Variants in MAP2K3 observed in about 807,000 individuals in gnomAD.
The protein encoded by MAP2K3 is mitogen-activated protein kinase kinase 3.
MAP2K3 carries 30 observed loss-of-function variants against 46.4 expected under a neutral mutation model. The observed-to-expected ratio is 0.65, with a 90% CI of 0.48 to 0.88. The LOEUF is 0.88. Ranked by LOEUF, MAP2K3 falls within the 40% of genes least tolerant of loss-of-function variation. The pLI, the probability that MAP2K3 is intolerant of heterozygous loss-of-function variation, is 0.00. For synonymous variants in MAP2K3, 189 were observed against 176.3 expected (o/e 1.07, Z -0.57); for missense variants, 380 against 464.5 (o/e 0.82, Z 1.67).
At chr17:21,312,578 A>T (rs977654438) in intron 10 of MAP2K3, among the ~76,000 whole-genome samples, 1 of 152,210 alleles carries the variant, frequency 6.6e-6, no homozygotes, top group Non-Finnish European at 1.5e-5. Flanking sequence ...GATATCTAGA[A>T]CTTTGTACCA....
In MAP2K3 at chr17:21,312,409, A is replaced by G. The variant is rs898354842; in HGVS notation, c.914+128A>G. 16 of 962,934 alleles carry G rather than the reference A, an allele frequency of 1.7e-5. No homozygotes were observed. In the African/African-American group the frequency reaches 2.8e-4, roughly 17 times the overall value. The allele number at this position is 962,934 out of a possible 1,614,324, so 59.6% of individuals were successfully genotyped here. On this transcript the variant is annotated intron_variant, in intron 10 of 11. Coordinates refer to ENST00000342679, the MANE Select transcript of MAP2K3 (RefSeq NM_145109.3). ...CAGATGACTTGGCATCCAAATATGTAAGGCAGAAACAGCTGGAGCATGAGG... is the reference window on the plus strand; with the variant it reads ...CAGATGACTTGGCATCCAAATATGTGAGGCAGAAACAGCTGGAGCATGAGG...
At chr17:21,297,717 G>A (rs1400358973) in intron 1 of MAP2K3, among the ~76,000 whole-genome samples, 3 of 29,234 alleles carry the variant, frequency 1.0e-4, no homozygotes, top group East Asian at 9.8e-4. Flanking sequence ...CCTGAGAGGT[G>A]TGGACACTGG....
intron 1 of MAP2K3, among the ~76,000 whole-genome samples, chr17:21,295,301 G>A (rs1026918912): frequency 2.6e-5 from 4 of 152,310 alleles, no homozygotes; most frequent in Non-Finnish European, 5.9e-5. Flanking sequence ...CTTTACCTGT[G>A]GTGTAGCCTC....
chr17:21,292,078 G>A (rs545377563), intron 1 of MAP2K3, among the ~76,000 whole-genome samples: 12 of 152,420 alleles, frequency 7.9e-5, no homozygotes, highest in East Asian at 3.9e-4. Context: ...GCCCTGGTGC[G>A]TCACCTCAGG....
chr17:21,298,520 G>C, intron 2 of MAP2K3, 41 bp downstream of exon 2: 1 of 1,614,244 alleles, frequency 6.2e-7, no homozygotes, highest in Non-Finnish European at 8.5e-7. Flanking sequence ...CCCTGGAGAG[G>C]CTTCCCGAAC....
At chr17:21,309,753 A>G (rs896706184) in intron 9 of MAP2K3, among the ~76,000 whole-genome samples, 11 of 151,572 alleles carry the variant, frequency 7.3e-5, no homozygotes, top group Non-Finnish European at 1.2e-4. Context: ...AGCTGGGACT[A>G]CAGGCGTGCG....
intron 9 of MAP2K3, among the ~76,000 whole-genome samples, chr17:21,311,304 A>G (rs4021717): frequency 0.58 from 87,807 of 151,476 alleles, 26,785 homozygotes; most frequent in African/African-American, 0.78. Context: ...GGGCTGACAT[A>G]ACTTGTTTTT....
chr17:21,300,721 G>A, intron 4 of MAP2K3, 63 bp downstream of exon 4: 1 of 1,596,124 alleles, frequency 6.3e-7, no homozygotes, highest in South Asian at 1.1e-5. Context: ...GCTCTGCCAT[G>A]GGGCCCTGCC....
chr17:21,312,186 C>A lies in MAP2K3; in HGVS notation c.819C>A (p.Thr273=). 6.3e-7 allele frequency: 1 copy of A among 1,594,530 alleles called. No individual in the cohort carries two copies. Among genetic ancestry groups the A allele is most frequent in the African/African-American group, 1.4e-5 (1 of 73,446 alleles). Residue 273 remains threonine (T), a synonymous_variant, in exon 10 of 12, where the codon ACC becomes ACA. Coordinates refer to ENST00000342679, the MANE Select transcript of MAP2K3 (RefSeq NM_145109.3). ...GGTTCCCTTACGAGTCCTGGGGGACCCCGTTCCAGCAGCTGAAGCAGGTGG... is the reference window on the plus strand; with the variant it reads ...GGTTCCCTTACGAGTCCTGGGGGACACCGTTCCAGCAGCTGAAGCAGGTGG... ...ILRFPYESWG[T]PFQQLKQVVE... is the part of the protein sequence containing the mutation.
intron 1 of MAP2K3, among the ~76,000 whole-genome samples, chr17:21,292,338 TCTC>T (rs1285029815): frequency 1.3e-5 from 2 of 152,306 alleles, no homozygotes; most frequent in African/African-American, 4.8e-5. Context: ...GTCTCTTGTT[TCTC>T]CTCGGAATAC....
At chr17:21,295,265 T>C (rs568963087) in intron 1 of MAP2K3, among the ~76,000 whole-genome samples, 2 of 152,418 alleles carry the variant, frequency 1.3e-5, no homozygotes, top group South Asian at 4.1e-4. Context: ...CCAGTGAGAG[T>C]TGTGTTCTAG....
At position 21,298,500 on chromosome 17, in the gene MAP2K3, C is replaced by T. The variant is rs1249306213; in HGVS notation, c.116+21C>T. On this transcript the variant is annotated intron_variant, in intron 2 of 11. Coordinates refer to ENST00000342679, the MANE Select transcript of MAP2K3 (RefSeq NM_145109.3). ...CCCACGTGAGTCTGCCTCAGTTTCT[C>T]CCTGGCTCACCCTGGAGAGGCTTCC... is the stretch of plus-strand genomic sequence containing the variant. 5 of 1,614,196 alleles carry T rather than the reference C, an allele frequency of 3.1e-6. No homozygotes were observed. The South Asian group carries it at 4.4e-5, about 14-fold the overall frequency.
rs548169892 is a variant in MAP2K3, at chr17:21,288,758, G to A, written c.49+3789G>A. On this transcript the variant is annotated intron_variant, in intron 1 of 11. Transcript: ENST00000342679. ...CCATTCCACACTTGCTAAGTGTCAGGCACAAGTCATAGTGAGACTGCCCTC... is the reference window on the plus strand; with the variant it reads ...CCATTCCACACTTGCTAAGTGTCAGACACAAGTCATAGTGAGACTGCCCTC... Among the ~76,000 whole-genome samples the A allele has an allele frequency of 5.9e-5, 9 of 152,338 alleles. No individual in the cohort carries two copies. The East Asian group carries it at 1.7e-3, about 29-fold the overall frequency.
chr17:21,298,493 A>G lies in MAP2K3; in HGVS notation c.116+14A>G, dbSNP rs1464799547. On this transcript the variant is annotated intron_variant, in intron 2 of 11. Coordinates refer to ENST00000342679, the MANE Select transcript of MAP2K3 (RefSeq NM_145109.3). ...ACCCAACCCCACGTGAGTCTGCCTC[A>G]GTTTCTCCCTGGCTCACCCTGGAGA... 2 of 1,614,310 alleles carry G rather than the reference A, an allele frequency of 1.2e-6. No individual in the cohort carries two copies. Among genetic ancestry groups the G allele is most frequent in the Non-Finnish European group, 1.7e-6 (2 of 1,180,058 alleles).
At position 21,290,539 on chromosome 17, in the gene MAP2K3, G is replaced by A. The variant is rs1194399839; in HGVS notation, c.49+5570G>A. Among the ~76,000 whole-genome samples the A allele has an allele frequency of 2.6e-5, 4 of 152,412 alleles. No individual in the cohort carries two copies. The South Asian group carries it at 8.3e-4, about 32-fold the overall frequency. On this transcript the variant is annotated intron_variant, in intron 1 of 11. Transcript: ENST00000342679. ...CTACCTCTCAGGGCTGCTGTTGAGG[G>A]TGAATGAGACCTGGCAAGTCCAGGG...
chr17:21,304,797 A>C (rs1976802395), intron 8 of MAP2K3, among the ~76,000 whole-genome samples: 1 of 152,308 alleles, frequency 6.6e-6, no homozygotes, highest in Non-Finnish European at 1.5e-5. Flanking sequence ...TGCGGAGGAC[A>C]CTGGTGGGCT....
chr17:21,300,790 C>A, intron 4 of MAP2K3, 84 bp from the exon 5 acceptor site: 3 of 1,611,360 alleles, frequency 1.9e-6, no homozygotes, highest in South Asian at 2.2e-5. Context: ...GGGCAGTGGC[C>A]CCCTGAGCTC....
At chr17:21,307,080 C>G (rs75954843) in intron 9 of MAP2K3, among the ~76,000 whole-genome samples, 348 of 150,236 alleles carry the variant, frequency 2.3e-3, no homozygotes, top group African/African-American at 8.0e-3. Flanking sequence ...GCTACTGCAC[C>G]CACTGAAAGT....
intron 10 of MAP2K3, among the ~76,000 whole-genome samples, chr17:21,312,751 C>T (rs1158458765): frequency 1.3e-5 from 2 of 152,018 alleles, no homozygotes; most frequent in African/African-American, 4.8e-5. Flanking sequence ...CCCGACTCTA[C>T]TAAAAATAGG....
Sources: gnomAD v4.1 joint callset for allele counts (sites outside exome capture counted in the v4.1 genomes callset) on GRCh38, gnomAD v4.1.1 for gene constraint, MANE v1.5 for transcripts, NCBI Gene and HGNC (gene_info 2026-07-23, HGNC 2026-07-21) for gene names.